The following FSTL4 variants were observed in gnomAD, a reference collection of about 807,000 sequenced individuals.
FSTL4 encodes follistatin-related protein 4.
Under a neutral mutation model 78.2 loss-of-function variants are expected in FSTL4, and 28 were observed. The ratio of observed to expected loss-of-function variants is 0.36; its 90% CI spans 0.27 to 0.49. The LOEUF is 0.49. Ranked by LOEUF, FSTL4 falls within the 20% of genes least tolerant of loss-of-function variation. The pLI is 0.98. For missense variants in FSTL4, 922 were observed against 1,084.9 expected (o/e 0.85, Z 2.11); for synonymous variants, 422 against 440.5 (o/e 0.96, Z 0.53).
chr5:133,767,510 G>A, the FSTL4 span, among the ~76,000 whole-genome samples: 1 of 152,206 alleles, frequency 6.6e-6, no homozygotes, highest in Admixed American at 6.5e-5. Flanking sequence ...ATCTATGCTA[G>A]GGAGTTTGCT....
chr5:133,202,022 G>A lies in FSTL4; in HGVS notation c.1737C>T (p.Thr579=), dbSNP rs146892782. The A allele has an allele frequency of 2.0e-5, 32 of 1,609,692 alleles. No individual in the cohort carries two copies. Among genetic ancestry groups the A allele is most frequent in the Middle Eastern group, 1.7e-4 (1 of 6,046 alleles). ...TGCGGATGAGGTGCTGGCTCTGGCC[G>A]GTGCTGGCTTCTGTGATCACCTACA... ...PSLQVITEAS[T]GQSQHLIRTP... is the part of the protein sequence containing the mutation. Residue 579 remains threonine, a synonymous_variant, in exon 15 of 16, where the codon ACC becomes ACT. Transcript: ENST00000265342.
At chr5:133,601,729 C>T (rs1223559451) in intron 2 of FSTL4, among the ~76,000 whole-genome samples, 1 of 148,826 alleles carries the variant, frequency 6.7e-6, no homozygotes, top group Non-Finnish European at 1.5e-5. Context: ...GTCACCCAGG[C>T]TAGAGAGCAG....
At chr5:133,841,520 T>A in the FSTL4 span, among the ~76,000 whole-genome samples, 1 of 152,326 alleles carries the variant, frequency 6.6e-6, no homozygotes, top group Admixed American at 6.5e-5. Flanking sequence ...GACCACCTAC[T>A]ATGTACCAGA....
At position 133,438,223 on chromosome 5, in the gene FSTL4, A is replaced by G. The variant is rs558813177; in HGVS notation, c.161-37237T>C. On this transcript the variant is annotated intron_variant, in intron 3 of 15. Transcript: ENST00000265342. Reference sequence around the variant, plus strand: ...CCTTCGACATGAACAACATCTAGGCAGAGGACAAATTCTTGGATCATAATC... The same window carrying G: ...CCTTCGACATGAACAACATCTAGGCGGAGGACAAATTCTTGGATCATAATC... Among the ~76,000 whole-genome samples the G allele has an allele frequency of 2.6e-5, 4 of 152,356 alleles. No individual in the cohort carries two copies. In the East Asian group the frequency reaches 5.8e-4, roughly 22 times the overall value.
chr5:133,377,309 G>T (rs1400407638), intron 4 of FSTL4, among the ~76,000 whole-genome samples: 1 of 150,532 alleles, frequency 6.6e-6, no homozygotes, highest in South Asian at 2.1e-4. Context: ...TGAACTGAGA[G>T]ACCAGAGTCT....
intron 3 of FSTL4, among the ~76,000 whole-genome samples, chr5:133,479,482 C>T (rs1163161517): frequency 6.6e-6 from 1 of 152,212 alleles, no homozygotes; most frequent in Non-Finnish European, 1.5e-5. Flanking sequence ...TGAACGGATG[C>T]ACAAAATGTG....
At chr5:133,310,720 C>T (rs1244752331) in intron 6 of FSTL4, among the ~76,000 whole-genome samples, 1 of 152,240 alleles carries the variant, frequency 6.6e-6, no homozygotes, top group East Asian at 1.9e-4. Flanking sequence ...TCTAAAAATG[C>T]ACTGAGCTTT....
intron 1 of FSTL4, among the ~76,000 whole-genome samples, chr5:133,610,802 G>T (rs1561486359): frequency 6.6e-6 from 1 of 152,244 alleles, no homozygotes; most frequent in Non-Finnish European, 1.5e-5. Context: ...AAATTTGGCA[G>T]TAGGAAAATA....
At chr5:133,636,510 T>C in the FSTL4 span, among the ~76,000 whole-genome samples, 6 of 152,204 alleles carry the variant, frequency 3.9e-5, no homozygotes, top group African/African-American at 1.4e-4. Flanking sequence ...TAAAATGACC[T>C]GGCTCTTCCA....
chr5:133,451,288 C>T (rs921894451), intron 3 of FSTL4, among the ~76,000 whole-genome samples: 2 of 152,110 alleles, frequency 1.3e-5, no homozygotes, highest in African/African-American at 2.4e-5. Flanking sequence ...TGGCCAGGCA[C>T]GGTGGCTCAT....
chr5:133,722,007 C>T, the FSTL4 span, among the ~76,000 whole-genome samples: 141 of 152,108 alleles, frequency 9.3e-4, no homozygotes, highest in African/African-American at 3.3e-3. Context: ...TTTCAAAAGA[C>T]CTATCTTCAG....
chr5:133,529,414 C>T (rs1485944517), intron 3 of FSTL4, among the ~76,000 whole-genome samples: 1 of 152,178 alleles, frequency 6.6e-6, no homozygotes, highest in Non-Finnish European at 1.5e-5. Context: ...CCAACCCAGA[C>T]ACAAACAGTC....
intron 4 of FSTL4, among the ~76,000 whole-genome samples, chr5:133,396,664 C>T (rs1280210312): frequency 1.3e-5 from 2 of 152,036 alleles, no homozygotes; most frequent in Non-Finnish European, 2.9e-5. Context: ...AGGTGTGGGG[C>T]CCAATTTAAA....
At chr5:133,658,940 A>G in the FSTL4 span, among the ~76,000 whole-genome samples, 1 of 152,128 alleles carries the variant, frequency 6.6e-6, no homozygotes, top group Non-Finnish European at 1.5e-5. Flanking sequence ...GGGTTTTAAC[A>G]TTTAATTTAA....
rs549602549 is a variant in FSTL4, at chr5:133,202,193, C to T, written c.1717-151G>A. On this transcript the variant is annotated intron_variant, in intron 14 of 15. Coordinates refer to ENST00000265342, the MANE Select transcript of FSTL4 (RefSeq NM_015082.2). ...CTCAATCTCAGGGAAGAGGCAGGAG[C>T]AAAGTGGGAGCAGTTCAGGCACATC... 1.7e-5 allele frequency: 9 copies of T among 537,092 alleles called. No homozygotes were observed. The South Asian group carries it at 2.1e-4, about 12-fold the overall frequency. 33.3% of individuals were successfully genotyped at this position (537,092 alleles called of 1,614,324 possible).
intron 4 of FSTL4, among the ~76,000 whole-genome samples, chr5:133,336,465 C>T (rs1580629096): frequency 6.6e-6 from 1 of 152,240 alleles, no homozygotes; most frequent in Non-Finnish European, 1.5e-5. Context: ...TCCTGCTCCC[C>T]TCTCCTGACC....
chr5:133,417,927 C>A (rs1274748019), intron 3 of FSTL4, among the ~76,000 whole-genome samples: 2 of 142,788 alleles, frequency 1.4e-5, no homozygotes, highest in Non-Finnish European at 3.0e-5. Context: ...CCACTGCACT[C>A]CAGCCTGGGT....
chr5:133,266,387 G>A lies in FSTL4; in HGVS notation c.728-16811C>T, dbSNP rs559820845. Among the ~76,000 whole-genome samples the A allele has an allele frequency of 1.5e-4, 23 of 152,362 alleles. No homozygotes were observed. The South Asian group carries it at 4.8e-3, about 32-fold the overall frequency. ...TTAATGAGCTCCTTGTACACGCAGG[G>A]CAATTGTCAGTGAAATCTGCCCATT... On this transcript the variant is annotated intron_variant, in intron 6 of 15. Coordinates refer to ENST00000265342, the MANE Select transcript of FSTL4 (RefSeq NM_015082.2).
At chr5:133,359,618 T>C (rs1755026593) in intron 4 of FSTL4, among the ~76,000 whole-genome samples, 1 of 152,214 alleles carries the variant, frequency 6.6e-6, no homozygotes, top group Non-Finnish European at 1.5e-5. Context: ...AGTAGTTACA[T>C]GGGTGTGATG....
Sources: gnomAD v4.1 joint callset for allele counts (sites outside exome capture counted in the v4.1 genomes callset) on GRCh38, gnomAD v4.1.1 for gene constraint, MANE v1.5 for transcripts, NCBI Gene and HGNC (gene_info 2026-07-23, HGNC 2026-07-21) for gene names.